MARCHF3: variants seen among roughly 807,000 people sequenced by gnomAD.
The protein encoded by MARCHF3 is E3 ubiquitin-protein ligase MARCHF3.
MARCHF3 carries 13 observed loss-of-function variants against 24.2 expected under a neutral mutation model. The observed-to-expected ratio is 0.54, with a 90% CI of 0.35 to 0.85. The LOEUF (loss-of-function observed/expected upper bound fraction) is 0.85. MARCHF3 is among the 40% of genes least tolerant of loss of function. MARCHF3 has a pLI of 0.01. For synonymous variants in MARCHF3, 144 were observed against 137.3 expected (o/e 1.05, Z -0.34); for missense variants, 276 against 325.0 (o/e 0.85, Z 1.16).
intron 3 of MARCHF3, among the ~76,000 whole-genome samples, chr5:126,905,677 CTT>C (rs1268404768): frequency 2.0e-5 from 3 of 151,964 alleles, no homozygotes; most frequent in African/African-American, 7.3e-5. Flanking sequence ...TATCCTGAGA[CTT>C]TGCTGAAGTT....
rs1752927660 is a variant in MARCHF3, at chr5:126,870,467, T to G, written c.*166A>C. ...CATTTGAAGTAAAACAGCATTTGCT[T>G]TCTTCTGGCGGAGGTTGTTGCTTGG... On this transcript the variant is annotated 3_prime_UTR_variant, in exon 5 of 5. Transcript: ENST00000308660. 3 of 556,128 alleles carry G rather than the reference T, an allele frequency of 5.4e-6. No homozygotes were observed. The East Asian group carries it at 8.5e-5, about 16-fold the overall frequency. The allele number at this position is 556,128 out of a possible 1,614,324, so 34.4% of individuals were successfully genotyped here.
intron 3 of MARCHF3, among the ~76,000 whole-genome samples, chr5:126,897,992 GC>G (rs1753982921): frequency 6.6e-6 from 1 of 151,996 alleles, no homozygotes; most frequent in Non-Finnish European, 1.5e-5. Context: ...TCCAGAACAG[GC>G]AAATCCATAG....
At chr5:126,921,338 C>CG (rs1345229159) in intron 1 of MARCHF3, among the ~76,000 whole-genome samples, 5 of 151,252 alleles carry the variant, frequency 3.3e-5, no homozygotes, top group African/African-American at 4.9e-5. Flanking sequence ...ACTCAGGTGG[C>CG]GGAGGAGGAA....
intron 1 of MARCHF3, among the ~76,000 whole-genome samples, chr5:126,920,696 G>C (rs569941566): frequency 6.6e-6 from 1 of 152,158 alleles, no homozygotes; most frequent in East Asian, 1.9e-4. Context: ...ATTGCCTGTC[G>C]CCCAGGCATA....
intron 3 of MARCHF3, among the ~76,000 whole-genome samples, chr5:126,897,086 C>G (rs764753145): frequency 5.0e-5 from 6 of 119,294 alleles, no homozygotes; most frequent in Non-Finnish European, 9.8e-5. Context: ...GTTGCCTGGA[C>G]TGGAGTGCAA....
rs75232055 is a variant in MARCHF3, at chr5:126,901,361, G to T, written c.393+13569C>A. Among the ~76,000 whole-genome samples, 171 of 152,156 alleles carry T rather than the reference G, an allele frequency of 1.1e-3. 2 individuals are homozygous for T. In the East Asian group the frequency reaches 0.014, roughly 13 times the overall value. ...GTGAACATCTTGATAAACATAGATG[G>T]ACTCACGTTAATTAATGCCACTGGA... On this transcript the variant is annotated intron_variant, in intron 3 of 4. Transcript: ENST00000308660.
chr5:126,903,937 A>G (rs962714635), intron 3 of MARCHF3, among the ~76,000 whole-genome samples: 9 of 149,234 alleles, frequency 6.0e-5, no homozygotes, highest in African/African-American at 2.2e-4. Context: ...AGCATTAGGT[A>G]TATCTCCCAA....
chr5:126,898,818 A>G (rs1754010131), intron 3 of MARCHF3: 1 of 975,382 alleles, frequency 1.0e-6, no homozygotes, highest in Non-Finnish European at 1.2e-6. Context: ...CCAACTTTCT[A>G]TTTATAATAG....
intron 1 of MARCHF3, among the ~76,000 whole-genome samples, chr5:126,961,288 A>G (rs764381006): frequency 3.3e-5 from 5 of 152,142 alleles, no homozygotes; most frequent in Non-Finnish European, 5.9e-5. Context: ...CTTTGTCAAA[A>G]ATGAGGAACA....
chr5:126,967,590 G>A (rs1158498261), intron 1 of MARCHF3, among the ~76,000 whole-genome samples: 2 of 152,314 alleles, frequency 1.3e-5, no homozygotes, highest in South Asian at 2.1e-4. Context: ...CTACTTGGGA[G>A]GCTGAGGCAG....
At chr5:126,902,451 C>T (rs1476572533) in intron 3 of MARCHF3, among the ~76,000 whole-genome samples, 1 of 152,068 alleles carries the variant, frequency 6.6e-6, no homozygotes, top group Non-Finnish European at 1.5e-5. Context: ...TGTGGGTTCT[C>T]ATTTGTATCC....
At chr5:126,963,964 A>T (rs1265930661) in intron 1 of MARCHF3, among the ~76,000 whole-genome samples, 1 of 152,192 alleles carries the variant, frequency 6.6e-6, no homozygotes, top group Non-Finnish European at 1.5e-5. Flanking sequence ...TGTCTCATAC[A>T]TTCACTAGTT....
chr5:126,983,146 A>C (rs1260026777), intron 1 of MARCHF3, among the ~76,000 whole-genome samples: 4 of 152,156 alleles, frequency 2.6e-5, no homozygotes, highest in African/African-American at 9.7e-5. Context: ...ATGCAGAGGA[A>C]TCACATCGCT....
At chr5:127,022,471 T>C (rs1376412510) in intron 1 of MARCHF3, among the ~76,000 whole-genome samples, 2 of 152,216 alleles carry the variant, frequency 1.3e-5, no homozygotes, top group East Asian at 3.8e-4. Flanking sequence ...ACTTTCTGAC[T>C]GAGAACCTCA....
intron 1 of MARCHF3, among the ~76,000 whole-genome samples, chr5:126,947,183 C>T (rs1033903237): frequency 6.6e-6 from 1 of 152,156 alleles, no homozygotes; most frequent in African/African-American, 2.4e-5. Context: ...GCTCATTCCC[C>T]CGCATATGCA....
At chr5:126,952,550 A>G (rs968742338) in intron 1 of MARCHF3, among the ~76,000 whole-genome samples, 1 of 152,098 alleles carries the variant, frequency 6.6e-6, no homozygotes, top group Non-Finnish European at 1.5e-5. Flanking sequence ...CCTGTCCTTT[A>G]CGAAATTTAA....
intron 1 of MARCHF3, among the ~76,000 whole-genome samples, chr5:127,018,149 T>C (rs536302928): frequency 3.9e-4 from 59 of 152,304 alleles, no homozygotes; most frequent in African/African-American, 1.3e-3. Context: ...GGCGGGCAGA[T>C]CACCTGAGGT....
At chr5:126,888,186 T>C (rs1753562097) in intron 3 of MARCHF3, among the ~76,000 whole-genome samples, 2 of 152,334 alleles carry the variant, frequency 1.3e-5, no homozygotes, top group South Asian at 2.1e-4. Context: ...TTAAATACAG[T>C]AATTTTTGCC....
rs1023814632 is a variant in MARCHF3, at chr5:126,878,253, G to T, written c.535C>A (p.Arg179=). 6.2e-7 allele frequency: 1 copy of T among 1,614,236 alleles called. No homozygotes were observed. The highest frequency in any genetic ancestry group is 8.5e-7 in the Non-Finnish European group (1 of 1,180,042). The change falls in exon 4 of 5, where the codon CGG becomes AGG. Residue 179 remains arginine, a synonymous_variant. Transcript: ENST00000308660. ...GCAATCAGTCCGACGGCTTCCAGCC[G>T]ACTACTAAAGTGCAGGTGGTCCACG... ...GAVDHLHFSS[R]LEAVGLIALT...
Sources: allele counts gnomAD v4.1 joint callset (sites outside exome capture counted in the v4.1 genomes callset), GRCh38; gene constraint gnomAD v4.1.1; transcripts MANE v1.5; gene names NCBI Gene and HGNC (gene_info 2026-07-23, HGNC 2026-07-21).